Variants in MACROD2 observed in about 807,000 individuals in gnomAD.
MACROD2 encodes the protein ADP-ribose glycohydrolase MACROD2.
Under a neutral mutation model 70.4 loss-of-function variants are expected in MACROD2, and 36 were observed. The ratio of observed to expected loss-of-function variants is 0.51; its 90% confidence interval spans 0.39 to 0.68. MACROD2 has a LOEUF of 0.68. Among genes scored for constraint, MACROD2 ranks in the 30% least tolerant of loss-of-function variants. The pLI, the probability that MACROD2 is intolerant of heterozygous loss-of-function variation, is 0.00. For missense variants in MACROD2, 496 were observed against 538.4 expected (o/e 0.92, Z 0.78); for synonymous variants, 172 against 178.8 (o/e 0.96, Z 0.30).
chr20:14,409,203 AG>A (rs1385718921), intron 3 of MACROD2, among the ~76,000 whole-genome samples: 1 of 139,212 alleles, frequency 7.2e-6, no homozygotes, highest in Non-Finnish European at 1.5e-5. Flanking sequence ...GGTAAGTGAT[AG>A]GTCCTCAGTA....
At chr20:14,789,166 A>C (rs2123798459) in intron 5 of MACROD2, among the ~76,000 whole-genome samples, 1 of 152,160 alleles carries the variant, frequency 6.6e-6, no homozygotes, top group South Asian at 2.1e-4. Context: ...TCATCCATTA[A>C]AAATTTAGGC....
chr20:15,177,829 A>G (rs1329457818), intron 5 of MACROD2, among the ~76,000 whole-genome samples: 1 of 152,156 alleles, frequency 6.6e-6, no homozygotes, highest in East Asian at 1.9e-4. Flanking sequence ...CATTGAATGA[A>G]TTGGTGTCAT....
intron 8 of MACROD2, among the ~76,000 whole-genome samples, chr20:15,805,302 G>A (rs2063759218): frequency 6.6e-6 from 1 of 152,036 alleles, no homozygotes; most frequent in Non-Finnish European, 1.5e-5. Context: ...TGTTGTTAAA[G>A]GAAAATGATC....
At chr20:15,613,731 TGTG>T (rs376751915) in intron 8 of MACROD2, among the ~76,000 whole-genome samples, 49 of 152,224 alleles carry the variant, frequency 3.2e-4, no homozygotes, top group African/African-American at 1.1e-3. Context: ...TCGAAATGTT[TGTG>T]GTTCCACCCA....
chr20:15,107,864 T>C (rs2075923302), intron 5 of MACROD2, among the ~76,000 whole-genome samples: 1 of 152,198 alleles, frequency 6.6e-6, no homozygotes, highest in South Asian at 2.1e-4. Flanking sequence ...TGGAGGCTAA[T>C]AGATAATAAA....
At chr20:15,103,715 AAGAAG>A (rs1772169651) in intron 5 of MACROD2, among the ~76,000 whole-genome samples, 1 of 152,176 alleles carries the variant, frequency 6.6e-6, no homozygotes, top group South Asian at 2.1e-4. Flanking sequence ...TAAATCCATG[AAGAAG>A]AGAAAACACC....
In MACROD2 at chr20:14,627,668, A is replaced by G. The variant is rs6131596; in HGVS notation, c.302-57175A>G. 5.5e-3 allele frequency among the ~76,000 whole-genome samples: 838 copies of G among 151,826 alleles called. 33 individuals carry two copies. Among genetic ancestry groups the G allele is most frequent in the Admixed American group, 0.047 (716 of 15,286 alleles). ...TTAAAAACATTTCAGTGAAGTTAAT[A>G]TGTTTTCTGAATTAGTGCACCCAAA... On this transcript the variant is annotated intron_variant, in intron 4 of 17. Coordinates refer to ENST00000684519, the MANE Select transcript of MACROD2 (RefSeq NM_001351661.2).
chr20:14,321,245 A>G lies in MACROD2; in HGVS notation c.272-172234A>G, dbSNP rs546978297. Among the ~76,000 whole-genome samples, 150 of 152,194 alleles carry G rather than the reference A, an allele frequency of 9.9e-4. 1 individual carries two copies. Among genetic ancestry groups the G allele is most frequent in the African/African-American group, 3.4e-3 (143 of 41,544 alleles). ...CTGGGTGTGGTGACGCAAGTCTGTA[A>G]TCCCAGCTACTCGGGAGGCTGAGGC... On this transcript the variant is annotated intron_variant, in intron 3 of 17. Transcript: ENST00000684519.
intron 8 of MACROD2, among the ~76,000 whole-genome samples, chr20:15,808,096 G>A (rs1568572511): frequency 1.3e-5 from 2 of 152,030 alleles, no homozygotes; most frequent in Non-Finnish European, 2.9e-5. Context: ...CTGTCACGCG[G>A]ACCCCCTTAG....
intron 5 of MACROD2, among the ~76,000 whole-genome samples, chr20:14,785,222 A>G (rs1395821568): frequency 6.6e-6 from 1 of 151,890 alleles, no homozygotes; most frequent in African/African-American, 2.4e-5. Flanking sequence ...TCTAAGAGCA[A>G]TCATTTTAGG....
At chr20:14,424,391 C>T (rs2083911597) in intron 3 of MACROD2, among the ~76,000 whole-genome samples, 1 of 152,200 alleles carries the variant, frequency 6.6e-6, no homozygotes, top group African/African-American at 2.4e-5. Flanking sequence ...GATACCACTA[C>T]AATTACAACT....
At chr20:15,074,885 A>AGCGAT (rs1207265527) in intron 5 of MACROD2, among the ~76,000 whole-genome samples, 1 of 152,192 alleles carries the variant, frequency 6.6e-6, no homozygotes, top group Admixed American at 6.5e-5. Context: ...AGGCACTGCA[A>AGCGAT]GCGATACACA....
intron 6 of MACROD2, among the ~76,000 whole-genome samples, chr20:15,424,654 A>T (rs1351706093): frequency 1.3e-5 from 2 of 152,176 alleles, no homozygotes; most frequent in Non-Finnish European, 2.9e-5. Flanking sequence ...CAGGACTTTG[A>T]GGCTGCAGTA....
intron 5 of MACROD2, among the ~76,000 whole-genome samples, chr20:14,873,660 C>T (rs572460123): frequency 2.0e-4 from 31 of 152,140 alleles, no homozygotes; most frequent in Non-Finnish European, 3.4e-4. Context: ...GTCAGGAGTT[C>T]AAGACCAGCC....
At chr20:15,113,459 C>T (rs141587041) in intron 5 of MACROD2, among the ~76,000 whole-genome samples, 84 of 152,230 alleles carry the variant, frequency 5.5e-4, no homozygotes, top group African/African-American at 1.6e-3. Context: ...TTTCAGAACA[C>T]TTGAAATATG....
At chr20:14,230,686 T>C (rs1351078704) in intron 3 of MACROD2, among the ~76,000 whole-genome samples, 1,970 of 120,924 alleles carry the variant, frequency 0.016, 286 homozygotes, top group African/African-American at 0.063. Flanking sequence ...TATATATATA[T>C]ATATATATAT....
chr20:14,455,107 A>G (rs941931522), intron 3 of MACROD2, among the ~76,000 whole-genome samples: 1 of 151,768 alleles, frequency 6.6e-6, no homozygotes, highest in African/African-American at 2.4e-5. Flanking sequence ...AAACACATAC[A>G]AATATGACTT....
At chr20:15,657,326 G>T (rs1376377677) in intron 8 of MACROD2, among the ~76,000 whole-genome samples, 1 of 152,126 alleles carries the variant, frequency 6.6e-6, no homozygotes, top group Non-Finnish European at 1.5e-5. Flanking sequence ...AGAGCATAAG[G>T]CTAGCTACTA....
chr20:15,168,012 A>G (rs1242196972), intron 5 of MACROD2, among the ~76,000 whole-genome samples: 2 of 152,198 alleles, frequency 1.3e-5, no homozygotes, highest in Admixed American at 6.6e-5. Flanking sequence ...TCTCTCAATC[A>G]TAAAACAAAA....
Sources: gnomAD v4.1 joint callset for allele counts (sites outside exome capture counted in the v4.1 genomes callset) on GRCh38, gnomAD v4.1.1 for gene constraint, MANE v1.5 for transcripts, NCBI Gene and HGNC (gene_info 2026-07-23, HGNC 2026-07-21) for gene names.